The following DIAPH1 variants were observed in gnomAD, a reference collection of about 807,000 sequenced individuals.
DIAPH1 encodes the protein diaphanous related formin 1.
Under a neutral mutation model 140.7 loss-of-function variants are expected in DIAPH1, and 46 were observed. The observed-to-expected ratio is 0.33, with a 90% CI of 0.26 to 0.42. The LOEUF (loss-of-function observed/expected upper bound fraction) is 0.42. DIAPH1 is among the 10% of genes least tolerant of loss of function. DIAPH1 has a pLI of 1.00. For synonymous variants in DIAPH1, 565 were observed against 551.6 expected (o/e 1.02, Z -0.34); for missense variants, 1,310 against 1,558.7 (o/e 0.84, Z 2.69).
intron 18 of DIAPH1, among the ~76,000 whole-genome samples, chr5:141,543,776 G>C (rs958168406): frequency 4.6e-5 from 7 of 152,120 alleles, no homozygotes; most frequent in Non-Finnish European, 8.8e-5. Flanking sequence ...GTAAGTCAAG[G>C]AGCATCTGTA....
intron 6 of DIAPH1, 99 bp from the exon 7 acceptor site, chr5:141,582,474 TA>T: frequency 1.2e-6 from 1 of 866,502 alleles, no homozygotes; most frequent in Non-Finnish European, 2.0e-6. Context: ...CAGCCCCATC[TA>T]GCAGATGAGT....
intron 27 of DIAPH1, among the ~76,000 whole-genome samples, chr5:141,521,860 C>T (rs1399091869): frequency 6.6e-6 from 1 of 152,114 alleles, no homozygotes; most frequent in African/African-American, 2.4e-5. Context: ...CCTGTTGTCA[C>T]TGCACAAAAA....
intron 18 of DIAPH1, among the ~76,000 whole-genome samples, chr5:141,558,698 G>A (rs566877419): frequency 1.3e-5 from 2 of 152,136 alleles, no homozygotes; most frequent in South Asian, 2.1e-4. Context: ...TTTATCTTAC[G>A]CTACACCTCC....
Position 141,574,149 on chromosome 5 carries a change from CGCA to C in DIAPH1, c.1698_1700del (p.Ala569del). 1 of 1,614,028 alleles carries C rather than the reference CGCA, an allele frequency of 6.2e-7. No homozygotes were observed. Among genetic ancestry groups the C allele is most frequent in the Non-Finnish European group, 8.5e-7 (1 of 1,180,014 alleles). ...CAGAAGGAGGTACAGTAATAGCTGCCGCAGAGAGGGAAGCCATTTCTTTCTTGG... is the reference window on the plus strand; with the variant it reads ...CAGAAGGAGGTACAGTAATAGCTGCCGAGAGGGAAGCCATTTCTTTCTTGG... On this transcript the variant is annotated inframe_deletion, in exon 16 of 28. Transcript: ENST00000389054.
chr5:141,540,914 G>A (rs1207346010), intron 18 of DIAPH1, among the ~76,000 whole-genome samples: 2 of 151,982 alleles, frequency 1.3e-5, no homozygotes, highest in African/African-American at 4.8e-5. Flanking sequence ...CAAAAAATTA[G>A]CCTGGTGTGG....
intron 18 of DIAPH1, among the ~76,000 whole-genome samples, chr5:141,562,857 A>T (rs575796939): frequency 6.6e-6 from 1 of 152,272 alleles, no homozygotes; most frequent in South Asian, 2.1e-4. Context: ...GGGTTCTAGT[A>T]TGTAGTAAGA....
chr5:141,528,304 G>T, intron 23 of DIAPH1, 149 bp downstream of exon 23: 1 of 1,077,738 alleles, frequency 9.3e-7, no homozygotes, highest in Non-Finnish European at 1.4e-6. Flanking sequence ...CATACGCTCT[G>T]CCCTTGTGAC....
chr5:141,571,897 A>T, intron 17 of DIAPH1, 29 bp downstream of exon 17: 40 of 1,468,332 alleles, frequency 2.7e-5, no homozygotes, highest in Non-Finnish European at 3.8e-5. Context: ...CCTACACTGG[A>T]CCTTTGCATC....
intron 18 of DIAPH1, among the ~76,000 whole-genome samples, chr5:141,547,559 A>G (rs182940992): frequency 6.6e-6 from 1 of 152,320 alleles, no homozygotes; most frequent in East Asian, 1.9e-4. Flanking sequence ...AGATGGGTTT[A>G]ACAGTAGACA....
At chr5:141,556,823 C>G (rs2154595778) in intron 18 of DIAPH1, among the ~76,000 whole-genome samples, 1 of 152,282 alleles carries the variant, frequency 6.6e-6, no homozygotes, top group East Asian at 1.9e-4. Flanking sequence ...TCCCGAGTAG[C>G]TGGAATTACA....
At chr5:141,546,238 C>T (rs548991572) in intron 18 of DIAPH1, among the ~76,000 whole-genome samples, 9 of 152,166 alleles carry the variant, frequency 5.9e-5, no homozygotes, top group Non-Finnish European at 1.2e-4. Context: ...AAAAATTAGC[C>T]AGGCATGGTG....
In DIAPH1 at chr5:141,524,168, G is replaced by T. The variant is rs367747962; in HGVS notation, c.3636C>A (p.Phe1212Leu). The T allele has an allele frequency of 6.2e-7, 1 of 1,614,022 alleles. No individual in the cohort carries two copies. ...CTTGACGGGGCCCTCTCTTCCGTCG[G>T]AATGCTGCCCCTGACTGCAGGGCTT... is the stretch of plus-strand genomic sequence containing the variant. ...LLEALQSGAA[F>L]RRKRGPRQAN... Residue 1212 changes from phenylalanine to leucine, a missense_variant, in exon 27 of 28, where the codon TTC becomes TTA. By Grantham distance (22) the Phe-to-Leu change is conservative (BLOSUM62 0). Around this residue, in one of 3 missense-constraint regions of DIAPH1, gnomAD observed 344 missense variants for 512.2 expected, o/e 0.67. Coordinates refer to ENST00000389054, the MANE Select transcript of DIAPH1 (RefSeq NM_005219.5).
intron 16 of DIAPH1, 54 bp from the exon 17 acceptor site, chr5:141,572,094 G>A (rs1436568895): frequency 2.5e-5 from 33 of 1,314,500 alleles, no homozygotes; most frequent in Middle Eastern, 1.9e-4. Context: ...TGTACTTTCC[G>A]TCCTAGAAAA....
chr5:141,573,665 G>A lies in DIAPH1; in HGVS notation c.2185C>T (p.Pro729Ser). ...PLPGGPGIPP[P>S]PPFPGGPGIP... Reference sequence around the variant, plus strand: ...CCAGGGCCTCCGGGAAATGGAGGAGGTGGAGGGATTCCAGGACCACCAGGA... The same window carrying A: ...CCAGGGCCTCCGGGAAATGGAGGAGATGGAGGGATTCCAGGACCACCAGGA... Residue 729 changes from proline (P) to serine (S), a missense_variant, in exon 16 of 28, where the codon CCT (proline) becomes TCT (serine). Physicochemically the swap from Pro to Ser is moderately conservative, Grantham distance 74. Around this residue, in one of 3 missense-constraint regions of DIAPH1, gnomAD observed 589 missense variants for 549.3 expected, o/e 1.07. Coordinates refer to ENST00000389054, the MANE Select transcript of DIAPH1 (RefSeq NM_005219.5). 6.2e-7 allele frequency: 1 copy of A among 1,611,770 alleles called. No homozygotes were observed. Among genetic ancestry groups the A allele is most frequent in the Non-Finnish European group, 8.5e-7 (1 of 1,178,468 alleles).
At chr5:141,528,338 T>C (rs1250710107) in intron 23 of DIAPH1, 115 bp downstream of exon 23, 64 of 1,477,704 alleles carry the variant, frequency 4.3e-5, no homozygotes, top group Non-Finnish European at 5.9e-5. Context: ...CTAAATCCTA[T>C]CTCATTTCCA....
At position 141,618,845 on chromosome 5, in the gene DIAPH1, C is replaced by G. The variant is rs1276900007; in HGVS notation, c.70G>C (p.Asp24His). 1.9e-6 allele frequency: 3 copies of G among 1,544,846 alleles called. No individual in the cohort carries two copies. Among genetic ancestry groups the G allele is most frequent in the Non-Finnish European group, 2.6e-6 (3 of 1,144,878 alleles). ...TRDKKKGRSP[D>H]ELPSAGGDGG... ...TCGCCGCCCGCCGAGGGCAGCTCATCTGGGCTCCGGCCCTTCTTCTTGTCC... is the reference window on the plus strand; with the variant it reads ...TCGCCGCCCGCCGAGGGCAGCTCATGTGGGCTCCGGCCCTTCTTCTTGTCC... The change falls in exon 1 of 28, where the codon GAT becomes CAT. Residue 24 changes from aspartate (D) to histidine (H), a missense_variant. Asp to His is a moderately conservative substitution (Grantham distance 81). Coordinates refer to ENST00000389054, the MANE Select transcript of DIAPH1 (RefSeq NM_005219.5).
rs895641789 is a variant in DIAPH1, at chr5:141,618,972, C to T, written c.-58G>A. 2.1e-6 allele frequency: 2 copies of T among 966,046 alleles called. No homozygotes were observed. The highest frequency in any genetic ancestry group is 3.5e-5 in the African/African-American group (2 of 57,270). 59.8% of individuals were successfully genotyped at this position (966,046 alleles called of 1,614,324 possible). On this transcript the variant is annotated 5_prime_UTR_variant, in exon 1 of 28. Coordinates refer to ENST00000389054, the MANE Select transcript of DIAPH1 (RefSeq NM_005219.5). ...CTACGCCGCTCCCGCCTGGCAGCTCCGCGCCCGCCGCCGCCCAGTCGCTCT... is the reference window on the plus strand; with the variant it reads ...CTACGCCGCTCCCGCCTGGCAGCTCTGCGCCCGCCGCCGCCCAGTCGCTCT...
chr5:141,531,573 C>T (rs1479626555), intron 19 of DIAPH1, among the ~76,000 whole-genome samples: 6 of 152,064 alleles, frequency 3.9e-5, no homozygotes, highest in Admixed American at 6.6e-5. Flanking sequence ...CTGCAACCTC[C>T]GCTTCCCGGG....
chr5:141,518,312 G>A (rs2099886008), intron 27 of DIAPH1, among the ~76,000 whole-genome samples: 1 of 115,336 alleles, frequency 8.7e-6, no homozygotes, highest in African/African-American at 3.3e-5. Context: ...AGCTCAATTG[G>A]AAAAAAAAAA....
Sources: allele counts gnomAD v4.1 joint callset (sites outside exome capture counted in the v4.1 genomes callset), GRCh38; gene constraint gnomAD v4.1.1; regional missense constraint gnomAD v4.1.1; transcripts MANE v1.5; gene names NCBI Gene and HGNC (gene_info 2026-07-23, HGNC 2026-07-21).